Variants in FRMD5 observed in about 807,000 individuals in gnomAD.
FRMD5 encodes FERM domain-containing protein 5.
FRMD5 carries 20 observed loss-of-function variants against 69.0 expected under a neutral mutation model. The ratio of observed to expected loss-of-function variants is 0.29; its 90% confidence interval spans 0.20 to 0.42. The LOEUF (loss-of-function observed/expected upper bound fraction) is 0.42, where lower values mean the gene tolerates loss of function less well. Among genes scored for constraint, FRMD5 ranks in the 10% least tolerant of loss-of-function variants. The pLI is 1.00. For missense variants in FRMD5, 595 were observed against 708.6 expected, an observed-to-expected ratio of 0.84 and a Z score of 1.82; for synonymous variants, 271 against 260.1, an observed-to-expected ratio of 1.04 and a Z score of -0.40.
intron 1 of FRMD5, among the ~76,000 whole-genome samples, chr15:44,022,062 A>C (rs1343385621): frequency 6.6e-6 from 1 of 152,196 alleles, no homozygotes; most frequent in Admixed American, 6.5e-5. Flanking sequence ...AATAATATCT[A>C]CTTACATGAG....
intron 1 of FRMD5, among the ~76,000 whole-genome samples, chr15:43,927,731 C>CTT (rs879431059): frequency 7.1e-6 from 1 of 140,842 alleles, no homozygotes; most frequent in Non-Finnish European, 1.6e-5. Context: ...TCAGCTGGTG[C>CTT]TTTTTTTTTT....
chr15:44,177,147 C>T (rs889681766), intron 1 of FRMD5, among the ~76,000 whole-genome samples: 2 of 152,034 alleles, frequency 1.3e-5, no homozygotes, highest in African/African-American at 4.8e-5. Context: ...ACCACACAAT[C>T]CAGCAATTCC....
chr15:43,973,513 G>A (rs2090419155), intron 1 of FRMD5, among the ~76,000 whole-genome samples: 1 of 151,180 alleles, frequency 6.6e-6, no homozygotes, highest in Non-Finnish European at 1.5e-5. Flanking sequence ...GATTACAGGT[G>A]CCCACCACCA....
At chr15:43,973,673 T>A (rs2090422055) in intron 1 of FRMD5, among the ~76,000 whole-genome samples, 1 of 152,112 alleles carries the variant, frequency 6.6e-6, no homozygotes, top group Non-Finnish European at 1.5e-5. Context: ...TGGTCACTAA[T>A]GTTCTTTAAG....
intron 1 of FRMD5, among the ~76,000 whole-genome samples, chr15:43,924,526 C>T (rs578193996): frequency 5.9e-5 from 9 of 152,304 alleles, no homozygotes; most frequent in Admixed American, 5.2e-4. Context: ...CTTCCCACCA[C>T]AAAGATGTCA....
intron 1 of FRMD5, among the ~76,000 whole-genome samples, chr15:44,015,214 C>T (rs1890902639): frequency 6.6e-6 from 1 of 151,906 alleles, no homozygotes; most frequent in Non-Finnish European, 1.5e-5. Context: ...TAACTCACTG[C>T]AGCCTTGAAT....
chr15:43,953,294 G>C (rs556843604), intron 1 of FRMD5, among the ~76,000 whole-genome samples: 3 of 152,322 alleles, frequency 2.0e-5, no homozygotes, highest in South Asian at 2.1e-4. Flanking sequence ...AGGAAGGACA[G>C]GACCATTGCA....
Position 44,024,215 on chromosome 15 carries a change from TATG to T in FRMD5, c.103-99909_103-99907del, listed in dbSNP as rs140661645. Among the ~76,000 whole-genome samples the T allele has an allele frequency of 2.3e-3, 348 of 152,214 alleles. 7 individuals are homozygous for T. The East Asian group carries it at 0.059, about 26-fold the overall frequency. On this transcript the variant is annotated intron_variant, in intron 1 of 13. Transcript: ENST00000417257. The stretch of plus-strand genomic sequence containing the variant: ...TGGCAGATCATTTGTTTTAACTCCC[TATG>T]ATTTTTTTTTTTATGATTTTCGACT...
chr15:44,036,677 T>C (rs1322976583), intron 1 of FRMD5, among the ~76,000 whole-genome samples: 2 of 152,264 alleles, frequency 1.3e-5, no homozygotes, highest in Non-Finnish European at 1.5e-5. Context: ...TTGAACTCAC[T>C]AGCTTGTAGA....
At chr15:44,117,948 A>G (rs971759205) in intron 1 of FRMD5, among the ~76,000 whole-genome samples, 2 of 151,846 alleles carry the variant, frequency 1.3e-5, no homozygotes, top group South Asian at 4.2e-4. Context: ...AGCAAGGACT[A>G]AAAACTAGTC....
At chr15:44,001,996 G>A (rs1381975066) in intron 1 of FRMD5, among the ~76,000 whole-genome samples, 3 of 152,098 alleles carry the variant, frequency 2.0e-5, no homozygotes, top group Admixed American at 1.3e-4. Context: ...GCGAGCCACC[G>A]CACCCAGTTC....
chr15:44,002,968 C>T (rs1377267388), intron 1 of FRMD5, among the ~76,000 whole-genome samples: 1 of 151,996 alleles, frequency 6.6e-6, no homozygotes, highest in Admixed American at 6.6e-5. Context: ...GTGCTCAGTC[C>T]CAGGATACAA....
intron 7 of FRMD5, among the ~76,000 whole-genome samples, chr15:43,897,228 C>T (rs139835873): frequency 4.6e-5 from 7 of 152,182 alleles, no homozygotes; most frequent in African/African-American, 1.7e-4. Flanking sequence ...TGGCTCACAC[C>T]TGTAATCCCA....
chr15:44,030,162 G>C (rs1034297485), intron 1 of FRMD5, among the ~76,000 whole-genome samples: 1 of 152,000 alleles, frequency 6.6e-6, no homozygotes, highest in African/African-American at 2.4e-5. Context: ...AGACTAAATG[G>C]GAATGAACAT....
At chr15:44,037,358 G>A (rs991075639) in intron 1 of FRMD5, among the ~76,000 whole-genome samples, 1 of 151,962 alleles carries the variant, frequency 6.6e-6, no homozygotes, top group African/African-American at 2.4e-5. Context: ...TGGTATATAT[G>A]TGCCACATTT....
At chr15:44,071,315 C>T (rs779821074) in intron 1 of FRMD5, among the ~76,000 whole-genome samples, 1 of 152,098 alleles carries the variant, frequency 6.6e-6, no homozygotes, top group Non-Finnish European at 1.5e-5. Context: ...GTAATCCCAG[C>T]ACTCAGGGAG....
chr15:43,976,824 G>A (rs1226434477), intron 1 of FRMD5, among the ~76,000 whole-genome samples: 1 of 151,150 alleles, frequency 6.6e-6, no homozygotes, highest in African/African-American at 2.4e-5. Flanking sequence ...GTACTACCAT[G>A]ACCAACTTTT....
chr15:43,962,860 A>C (rs907077115), intron 1 of FRMD5, among the ~76,000 whole-genome samples: 1 of 152,244 alleles, frequency 6.6e-6, no homozygotes. Flanking sequence ...CATATGCAGA[A>C]AGCTGAAACT....
chr15:43,995,040 T>C (rs570368934), intron 1 of FRMD5, among the ~76,000 whole-genome samples: 1 of 152,274 alleles, frequency 6.6e-6, no homozygotes, highest in South Asian at 2.1e-4. Flanking sequence ...GCACTTTGAA[T>C]ATAGTCATCC....
Sources: allele counts gnomAD v4.1 joint callset (sites outside exome capture counted in the v4.1 genomes callset), GRCh38; gene constraint gnomAD v4.1.1; transcripts MANE v1.5; gene names NCBI Gene and HGNC (gene_info 2026-07-23, HGNC 2026-07-21).